The following MARCHF1 variants were observed in gnomAD, a reference collection of about 807,000 sequenced individuals.
The protein encoded by MARCHF1 is membrane associated ring-CH-type finger 1.
MARCHF1 carries 40 observed loss-of-function variants against 54.2 expected under a neutral mutation model. The ratio of observed to expected loss-of-function variants is 0.74; its 90% CI spans 0.57 to 0.96. The LOEUF (loss-of-function observed/expected upper bound fraction) is 0.96, where lower values mean the gene tolerates loss of function less well. Among genes scored for constraint, MARCHF1 ranks in the 40% least tolerant of loss-of-function variants. The pLI is 0.00. For missense variants in MARCHF1, 586 were observed against 656.5 expected (o/e 0.89, Z 1.17); for synonymous variants, 236 against 236.3 (o/e 1.00, Z 0.01).
At chr4:163,782,021 CT>C (rs1166734470) in intron 4 of MARCHF1, among the ~76,000 whole-genome samples, 3 of 152,118 alleles carry the variant, frequency 2.0e-5, no homozygotes, top group South Asian at 4.1e-4. Flanking sequence ...CTCTGAGCTA[CT>C]GTGTATAATA....
chr4:164,093,083 G>A (rs895808098), intron 2 of MARCHF1, among the ~76,000 whole-genome samples: 1 of 152,118 alleles, frequency 6.6e-6, no homozygotes, highest in Admixed American at 6.6e-5. Context: ...TCAAACAGAA[G>A]TGAGGCCATT....
chr4:163,636,456 C>T (rs539825277), intron 5 of MARCHF1, among the ~76,000 whole-genome samples: 1 of 145,968 alleles, frequency 6.9e-6, no homozygotes, highest in African/African-American at 2.5e-5. Context: ...CAACAACAGA[C>T]AAACAGAGAG....
At chr4:164,309,198 GA>G (rs1014423517) in intron 1 of MARCHF1, among the ~76,000 whole-genome samples, 2 of 144,510 alleles carry the variant, frequency 1.4e-5, no homozygotes, top group African/African-American at 5.1e-5. Flanking sequence ...TGGCCAAAAA[GA>G]AAAAAAAAGG....
intron 5 of MARCHF1, among the ~76,000 whole-genome samples, chr4:163,644,756 TGAAC>T (rs1560994629): frequency 1.3e-5 from 2 of 152,188 alleles, no homozygotes. Flanking sequence ...GTTCTGTCCA[TGAAC>T]GGACCTGAAA....
intron 2 of MARCHF1, among the ~76,000 whole-genome samples, chr4:164,005,131 T>C (rs911004378): frequency 1.3e-5 from 2 of 152,066 alleles, no homozygotes; most frequent in African/African-American, 4.8e-5. Flanking sequence ...GAAACATTAC[T>C]ATATATTTAA....
chr4:163,650,150 A>G (rs1260848307), intron 5 of MARCHF1, among the ~76,000 whole-genome samples: 5 of 151,970 alleles, frequency 3.3e-5, no homozygotes, highest in African/African-American at 1.2e-4. Flanking sequence ...TTGAGGTCAC[A>G]CTGAGAAGTG....
intron 1 of MARCHF1, among the ~76,000 whole-genome samples, chr4:164,264,296 T>G (rs890890461): frequency 1.3e-5 from 2 of 152,072 alleles, no homozygotes; most frequent in African/African-American, 4.8e-5. Context: ...TGAGAACTCA[T>G]GAACACAACG....
chr4:163,937,398 T>C (rs967651953), intron 3 of MARCHF1, among the ~76,000 whole-genome samples: 2 of 152,058 alleles, frequency 1.3e-5, no homozygotes, highest in African/African-American at 4.8e-5. Context: ...CAATGTCATA[T>C]GTCTTTTGTC....
At chr4:164,193,346 C>T (rs1731169885) in intron 1 of MARCHF1, among the ~76,000 whole-genome samples, 1 of 151,978 alleles carries the variant, frequency 6.6e-6, no homozygotes, top group South Asian at 2.1e-4. Flanking sequence ...TAAAGATACC[C>T]TATATCTGTA....
intron 1 of MARCHF1, among the ~76,000 whole-genome samples, chr4:164,242,483 A>G (rs1183300733): frequency 1.3e-5 from 2 of 148,732 alleles, no homozygotes; most frequent in Non-Finnish European, 3.0e-5. Context: ...TCTGTACATC[A>G]CCATCATCAA....
chr4:164,258,524 T>C (rs1467526550), intron 1 of MARCHF1, among the ~76,000 whole-genome samples: 2 of 152,090 alleles, frequency 1.3e-5, no homozygotes, highest in East Asian at 3.9e-4. Context: ...TTTTCTATCT[T>C]ATGGTTTGTA....
At chr4:163,693,980 C>A (rs539067810) in intron 5 of MARCHF1, among the ~76,000 whole-genome samples, 4 of 152,282 alleles carry the variant, frequency 2.6e-5, no homozygotes, top group Non-Finnish European at 2.9e-5. Flanking sequence ...ACTTCACCAG[C>A]AAGCCACTTA....
At chr4:163,678,273 G>C (rs1321231848) in intron 5 of MARCHF1, among the ~76,000 whole-genome samples, 1 of 152,146 alleles carries the variant, frequency 6.6e-6, no homozygotes, top group Non-Finnish European at 1.5e-5. Context: ...CGCCATCTCA[G>C]TGTTGTTTCT....
intron 3 of MARCHF1, among the ~76,000 whole-genome samples, chr4:163,931,876 A>G (rs1751685077): frequency 6.6e-6 from 1 of 152,226 alleles, no homozygotes; most frequent in Non-Finnish European, 1.5e-5. Context: ...CCATAATGGT[A>G]TCAGCGAATT....
chr4:164,022,258 A>T (rs1753682021), intron 2 of MARCHF1, among the ~76,000 whole-genome samples: 1 of 152,226 alleles, frequency 6.6e-6, no homozygotes, highest in South Asian at 2.1e-4. Context: ...AAATTAAATT[A>T]AAATTCACTT....
At chr4:163,936,828 A>G (rs1207120415) in intron 3 of MARCHF1, among the ~76,000 whole-genome samples, 1 of 152,178 alleles carries the variant, frequency 6.6e-6, no homozygotes. Context: ...TAAAACTAAC[A>G]GCTGAAAAGA....
At chr4:164,100,790 T>A (rs1253654955) in intron 2 of MARCHF1, among the ~76,000 whole-genome samples, 3 of 152,234 alleles carry the variant, frequency 2.0e-5, no homozygotes, top group Admixed American at 6.5e-5. Context: ...AGCTCCGGTC[T>A]ACAGCTCCCA....
intron 8 of MARCHF1, among the ~76,000 whole-genome samples, chr4:163,576,802 C>A (rs77634716): frequency 0.015 from 2,196 of 147,240 alleles, 48 homozygotes; most frequent in African/African-American, 0.05. Flanking sequence ...ATGTAATATC[C>A]TTCTTTGTCC....
At chr4:164,198,287 C>T (rs142913296) in intron 1 of MARCHF1, among the ~76,000 whole-genome samples, 243 of 152,308 alleles carry the variant, frequency 1.6e-3, no homozygotes, top group Non-Finnish European at 3.0e-3. Flanking sequence ...ACAATGTGAT[C>T]TTGGTTGTAT....
Sources: gnomAD v4.1 joint callset for allele counts (sites outside exome capture counted in the v4.1 genomes callset) on GRCh38, gnomAD v4.1.1 for gene constraint, MANE v1.5 for transcripts, NCBI Gene and HGNC (gene_info 2026-07-23, HGNC 2026-07-21) for gene names.